Variants in NAGK observed in about 807,000 individuals in gnomAD.
NAGK encodes the protein N-acetyl-D-glucosamine kinase.
In NAGK, 35 loss-of-function variants were observed where a neutral mutation model predicts 42.9. The ratio of observed to expected loss-of-function variants is 0.82; its 90% CI spans 0.62 to 1.08. NAGK has a LOEUF of 1.08. Ranked by LOEUF, NAGK falls within the 50% of genes least tolerant of loss-of-function variation. The probability of loss-of-function intolerance (pLI) is 0.00; values close to 1 mark genes in which losing one functional copy is unlikely to be tolerated. For synonymous variants in NAGK, 172 were observed against 176.0 expected, an observed-to-expected ratio of 0.98 and a Z score of 0.18; for missense variants, 446 against 446.0, an observed-to-expected ratio of 1.00 and a Z score of 0.00.
chr2:71,078,199 C>T (rs1022322388), intron 9 of NAGK, 119 bp from the exon 10 acceptor site: 28 of 967,056 alleles, frequency 2.9e-5, no homozygotes, highest in Non-Finnish European at 4.1e-5. Context: ...GCATGTAGGC[C>T]CCTCCAGCAT....
chr2:71,070,457 G>A, intron 1 of NAGK, 45 bp from the exon 2 acceptor site: 1 of 1,540,558 alleles, frequency 6.5e-7, no homozygotes, highest in Non-Finnish European at 9.0e-7. Flanking sequence ...AGCTCTCTCT[G>A]TGGGTTTTTC....
intron 7 of NAGK, chr2:71,075,875 G>T: frequency 1.8e-6 from 1 of 547,708 alleles, no homozygotes; most frequent in Non-Finnish European, 3.3e-6. Flanking sequence ...TAGCTATCAT[G>T]GCTTGCTTAG....
intron 9 of NAGK, 97 bp from the exon 10 acceptor site, chr2:71,078,221 T>C: frequency 8.2e-7 from 1 of 1,225,064 alleles, no homozygotes; most frequent in Non-Finnish European, 1.2e-6. Context: ...TCTACAGGAG[T>C]ACCTCAGGGT....
intron 7 of NAGK, chr2:71,076,178 T>C: frequency 1.1e-5 from 2 of 184,596 alleles, no homozygotes; most frequent in Non-Finnish European, 2.3e-5. Context: ...AGGAACAGGC[T>C]AACCAACAGC....
chr2:71,074,309 G>A (rs1672133393), intron 6 of NAGK, among the ~76,000 whole-genome samples: 2 of 152,132 alleles, frequency 1.3e-5, no homozygotes, highest in African/African-American at 4.8e-5. Flanking sequence ...AGTAGGGCCT[G>A]GATTATCAGG....
chr2:71,068,921 C>G, intron 1 of NAGK: 1 of 1,292,160 alleles, frequency 7.7e-7, no homozygotes, highest in Non-Finnish European at 9.8e-7. Context: ...AGCCACACCC[C>G]GGGTTGGGGA....
chr2:71,077,735 G>T, intron 9 of NAGK, 99 bp downstream of exon 9: 1 of 1,316,278 alleles, frequency 7.6e-7, no homozygotes, highest in Non-Finnish European at 1.1e-6. Flanking sequence ...CCTGCTTCCT[G>T]GACCCTGAGG....
chr2:71,073,323 C>CA, intron 5 of NAGK, 159 bp from the exon 6 acceptor site: 4 of 440,028 alleles, frequency 9.1e-6, no homozygotes, highest in Non-Finnish European at 1.7e-5. Context: ...GAGACCCTCC[C>CA]ACCCCCCTCT....
chr2:71,076,894 C>T (rs544857544), intron 8 of NAGK, among the ~76,000 whole-genome samples, 193 bp downstream of exon 8: 10 of 152,240 alleles, frequency 6.6e-5, no homozygotes, highest in African/African-American at 2.4e-4. Flanking sequence ...CTGTAATTGG[C>T]CTGTAATCTG....
At chr2:71,075,773 A>T in intron 7 of NAGK, 131 bp downstream of exon 7, 1 of 890,788 alleles carries the variant, frequency 1.1e-6, no homozygotes, top group African/African-American at 1.7e-5. Context: ...CTCTGCCACC[A>T]CTGGCCTTGG....
intron 8 of NAGK, 125 bp downstream of exon 8, chr2:71,076,826 T>A: frequency 2.5e-6 from 2 of 800,894 alleles, no homozygotes; most frequent in Non-Finnish European, 3.9e-6. Context: ...ACTTAGGGTC[T>A]AAGAAGCATT....
intron 9 of NAGK, 70 bp downstream of exon 9, chr2:71,077,706 C>A: frequency 6.6e-7 from 1 of 1,519,160 alleles, no homozygotes; most frequent in Non-Finnish European, 8.9e-7. Context: ...CCCAGGAAAG[C>A]TTTTTGCCCC....
intron 6 of NAGK, among the ~76,000 whole-genome samples, chr2:71,073,960 G>A (rs961156201): frequency 6.6e-6 from 1 of 152,190 alleles, no homozygotes; most frequent in East Asian, 1.9e-4. Flanking sequence ...GAGTATGAAT[G>A]TGTGCACTGG....
chr2:71,070,998 G>C, intron 3 of NAGK, 159 bp downstream of exon 3: 1 of 713,056 alleles, frequency 1.4e-6, no homozygotes, highest in Non-Finnish European at 2.4e-6. Context: ...CATGGCTTCA[G>C]TTGCCACCTA....
chr2:71,070,961 C>G, intron 3 of NAGK, 122 bp downstream of exon 3: 1 of 970,416 alleles, frequency 1.0e-6, no homozygotes, highest in Non-Finnish European at 1.6e-6. Flanking sequence ...TCCCTGGTGT[C>G]AAAACTGTCA....
chr2:71,070,938 C>T, intron 3 of NAGK, 99 bp downstream of exon 3: 1 of 1,206,790 alleles, frequency 8.3e-7, no homozygotes, highest in Non-Finnish European at 1.2e-6. Context: ...AGGGAAAGAC[C>T]TCCAAGACTT....
At chr2:71,076,738 G>C in intron 8 of NAGK, 37 bp downstream of exon 8, 1 of 1,548,562 alleles carries the variant, frequency 6.5e-7, no homozygotes, top group Non-Finnish European at 8.9e-7. Context: ...GGAGCTGCTG[G>C]GTGAGGAGTG....
At chr2:71,076,367 T>G (rs1379668892) in intron 7 of NAGK, 4 of 419,492 alleles carry the variant, frequency 9.5e-6, no homozygotes, top group Non-Finnish European at 1.8e-5. Flanking sequence ...CCTTCCTGAG[T>G]TGGGGGCCTG....
At chr2:71,075,862 T>C in intron 7 of NAGK, 1 of 570,242 alleles carries the variant, frequency 1.8e-6, no homozygotes. Context: ...TTTTTTTCTT[T>C]AATAGCTATC....
Sources: allele counts gnomAD v4.1 joint callset (sites outside exome capture counted in the v4.1 genomes callset), GRCh38; gene constraint gnomAD v4.1.1; transcripts MANE v1.5; gene names NCBI Gene and HGNC (gene_info 2026-07-23, HGNC 2026-07-21).